Variants in CRYBB2 observed in about 807,000 individuals in gnomAD.
CRYBB2 encodes crystallin beta B2.
Under a neutral mutation model 24.3 loss-of-function variants are expected in CRYBB2, and 12 were observed. That is an observed-to-expected ratio of 0.49 (90% confidence interval 0.32 to 0.80). The LOEUF (loss-of-function observed/expected upper bound fraction) is 0.80, where lower values mean the gene tolerates loss of function less well. Ranked by LOEUF, CRYBB2 falls within the 30% of genes least tolerant of loss-of-function variation. CRYBB2 has a pLI of 0.04. For missense variants in CRYBB2, 198 were observed against 268.5 expected (o/e 0.74, Z 1.83); for synonymous variants, 98 against 101.6 (o/e 0.96, Z 0.21).
intron 1 of CRYBB2, chr22:25,213,426 G>A (rs2146080388): frequency 6.6e-6 from 1 of 152,244 alleles, no homozygotes; most frequent in Middle Eastern, 3.4e-3. Flanking sequence ...CCAATTCTTG[G>A]TGGTTGAAAA....
intron 5 of CRYBB2, 86 bp from the exon 6 acceptor site, chr22:25,231,518 C>T: frequency 3.8e-6 from 5 of 1,315,400 alleles, no homozygotes; most frequent in Non-Finnish European, 5.5e-6. Context: ...CTTATGGATG[C>T]TCTATCTCTC....
intron 4 of CRYBB2, among the ~76,000 whole-genome samples, chr22:25,229,001 TGTGTGCAAGTGTGG>T (rs930265146): frequency 1.3e-5 from 2 of 150,480 alleles, no homozygotes; most frequent in African/African-American, 4.9e-5. Flanking sequence ...GGTGTGCGTG[TGTGTGCAAGTGTGG>T]GTGTGCACGT....
At chr22:25,218,779 G>GAGAGAAGA (rs1935251085), upstream of CRYBB2, among the ~76,000 whole-genome samples, 5 of 34,512 alleles carry the variant, frequency 1.4e-4, no homozygotes, top group Non-Finnish European at 2.7e-4. Context: ...GAGAGAGAGA[G>GAGAGAAGA]AAGAAAGAAA....
At chr22:25,218,816 AAGAAAGAAAGAAAGAAAGAAAG>A (rs1569016417), upstream of CRYBB2, among the ~76,000 whole-genome samples, 14 of 135,958 alleles carry the variant, frequency 1.0e-4, no homozygotes, top group African/African-American at 3.8e-4. Context: ...GAAAGAAAGA[AAGAAAGAAAGAAAGAAAGAAAG>A]AGAAAGAAAG....
chr22:25,223,916 C>T (rs952698643), intron 2 of CRYBB2, among the ~76,000 whole-genome samples: 4 of 151,944 alleles, frequency 2.6e-5, no homozygotes, highest in Admixed American at 1.3e-4. Context: ...GTCAGGAGAT[C>T]GAGACCATCC....
intron 5 of CRYBB2, among the ~76,000 whole-genome samples, chr22:25,230,345 A>G (rs1369576677): frequency 2.0e-5 from 3 of 150,732 alleles, no homozygotes; most frequent in Non-Finnish European, 4.4e-5. Context: ...TTTAGTAGAG[A>G]CAGGGTTTCA....
Position 25,231,835 on chromosome 22 carries a change from T to G in CRYBB2, c.*63T>G. Reference sequence around the variant, plus strand: ...CTGCTGCCCAGGAACCCTCCAGACCTCCCAGAGAGTGAATAAAGTGTGACT... The same window carrying G: ...CTGCTGCCCAGGAACCCTCCAGACCGCCCAGAGAGTGAATAAAGTGTGACT... On this transcript the variant is annotated 3_prime_UTR_variant, in exon 6 of 6. Coordinates refer to ENST00000398215, the MANE Select transcript of CRYBB2 (RefSeq NM_000496.3). The G allele has an allele frequency of 6.7e-7, 1 of 1,481,806 alleles. No individual in the cohort carries two copies. Among genetic ancestry groups the G allele is most frequent in the Non-Finnish European group, 9.4e-7 (1 of 1,060,238 alleles). 91.8% of individuals were successfully genotyped at this position (1,481,806 alleles called of 1,614,324 possible). A position where few individuals can be genotyped will look rare whatever the true frequency, so the allele number is the denominator to read the frequency against.
upstream of CRYBB2, among the ~76,000 whole-genome samples, chr22:25,218,707 GGAGAGA>G (rs765434004): frequency 1.1e-3 from 27 of 24,962 alleles, no homozygotes; most frequent in East Asian, 3.2e-3. Context: ...AGAGAGAGGG[GGAGAGA>G]GAGAGAGAGA....
upstream of CRYBB2, among the ~76,000 whole-genome samples, chr22:25,215,111 A>G (rs6519575): frequency 0.39 from 59,673 of 152,150 alleles, 12,113 homozygotes; most frequent in East Asian, 0.69. Context: ...ACAGGCCCCC[A>G]AAATCTGGCC....
upstream of CRYBB2, among the ~76,000 whole-genome samples, chr22:25,216,486 A>G (rs574480985): frequency 4.6e-5 from 7 of 152,278 alleles, no homozygotes; most frequent in South Asian, 1.2e-3. Context: ...ACCGGCAAAC[A>G]CAAAGGGCTG....
At chr22:25,227,425 C>T (rs1211607321) in intron 3 of CRYBB2, among the ~76,000 whole-genome samples, 25 of 151,722 alleles carry the variant, frequency 1.6e-4, no homozygotes, top group Admixed American at 1.5e-3. Flanking sequence ...CACTTGCAGC[C>T]GTGTCATATT....
chr22:25,231,500 C>T lies in CRYBB2; in HGVS notation c.450-104C>T. Reference sequence around the variant, plus strand: ...GCAATGGTTGGGAGGCTTCACCCTTCCTAGTGGCTTATGGATGCTCTATCT... The same window carrying T: ...GCAATGGTTGGGAGGCTTCACCCTTTCTAGTGGCTTATGGATGCTCTATCT... On this transcript the variant is annotated intron_variant, in intron 5 of 5. Coordinates refer to ENST00000398215, the MANE Select transcript of CRYBB2 (RefSeq NM_000496.3). 2.7e-6 allele frequency: 3 copies of T among 1,129,224 alleles called. No homozygotes were observed. The South Asian group carries it at 3.7e-5, about 14-fold the overall frequency. 70.0% of individuals were successfully genotyped at this position (1,129,224 alleles called of 1,614,324 possible).
chr22:25,224,561 G>T (rs565062462), intron 2 of CRYBB2, among the ~76,000 whole-genome samples: 3 of 152,212 alleles, frequency 2.0e-5, no homozygotes, highest in Non-Finnish European at 2.9e-5. Context: ...TAGAAGTGGG[G>T]TCTTCCCATC....
In CRYBB2 at chr22:25,229,573, TG is replaced by T. The variant is rs1935496544; in HGVS notation, c.446del (p.Gly149AlafsTer84). ...AGGTGTCATCTGTGCGGGTGCAGAG[TG>T]GCACGTAAGTGCGTTGCCAGCCCTG... ...EKVSSVRVQS[G>X]TWVGYQYPGY... On this transcript the variant is annotated frameshift_variant, in exon 5 of 6. Transcript: ENST00000398215. LOFTEE classifies it high-confidence loss of function. 1 of 1,614,066 alleles carries T rather than the reference TG, an allele frequency of 6.2e-7. No individual in the cohort carries two copies. The highest frequency in any genetic ancestry group is 1.7e-5 in the Admixed American group (1 of 60,012).
upstream of CRYBB2, among the ~76,000 whole-genome samples, chr22:25,218,810 G>GAAAGAAAGAAAGAAAGAAAGA (rs1935262035): frequency 1.6e-5 from 2 of 122,378 alleles, no homozygotes; most frequent in African/African-American, 6.7e-5. Flanking sequence ...AAGAAAGAAA[G>GAAAGAAAGAAAGAAAGAAAGA]AAAGAAAGAA....
At chr22:25,224,888 T>G in intron 2 of CRYBB2, 30 bp from the exon 3 acceptor site, 5 of 1,193,494 alleles carry the variant, frequency 4.2e-6, no homozygotes, top group Non-Finnish European at 6.3e-6. Flanking sequence ...TTCATCGTGA[T>G]GAGGGTCTGA....
upstream of CRYBB2, among the ~76,000 whole-genome samples, chr22:25,217,644 A>G (rs974140776): frequency 2.6e-5 from 4 of 152,278 alleles, no homozygotes; most frequent in African/African-American, 9.6e-5. Flanking sequence ...ACAAGTACCT[A>G]CTATGCGTCA....
chr22:25,220,999 G>C (rs775252611), intron 1 of CRYBB2, among the ~76,000 whole-genome samples: 2 of 152,140 alleles, frequency 1.3e-5, no homozygotes, highest in African/African-American at 2.4e-5. Flanking sequence ...ACCAAATACA[G>C]CCAATGCATA....
intron 5 of CRYBB2, among the ~76,000 whole-genome samples, chr22:25,231,319 C>A (rs1935527104): frequency 1.0e-5 from 1 of 100,140 alleles, no homozygotes; most frequent in South Asian, 3.6e-4. Context: ...CTTGCTCTGA[C>A]CCCAGTACAG....
Sources: allele counts gnomAD v4.1 joint callset (sites outside exome capture counted in the v4.1 genomes callset), GRCh38; gene constraint gnomAD v4.1.1; transcripts MANE v1.5; gene names NCBI Gene and HGNC (gene_info 2026-07-23, HGNC 2026-07-21).